Variants in GP6 observed in about 807,000 individuals in gnomAD.
The protein encoded by GP6 is glycoprotein VI platelet.
Under a neutral mutation model 37.3 loss-of-function variants are expected in GP6, and 45 were observed. The ratio of observed to expected loss-of-function variants is 1.21; its 90% CI spans 0.95 to 1.55. GP6 has a LOEUF of 1.55. Ranked by LOEUF, GP6 falls within the 40% of genes most tolerant of loss-of-function variation. GP6 has a pLI of 0.00. For synonymous variants in GP6, 340 were observed against 316.4 expected (o/e 1.07, Z -0.79); for missense variants, 813 against 760.2 (o/e 1.07, Z -0.82).
At chr19:55,024,693 T>TA (rs2074238614) in intron 5 of GP6, among the ~76,000 whole-genome samples, 1 of 152,202 alleles carries the variant, frequency 6.6e-6, no homozygotes. Flanking sequence ...AGCATCAGCA[T>TA]CACCTGGGAA....
At position 55,014,146 on chromosome 19, in the gene GP6, C is replaced by T. The variant is rs923587332; in HGVS notation, c.1799G>A (p.Arg600Gln). 12 of 697,114 alleles carry T rather than the reference C, an allele frequency of 1.7e-5. No individual in the cohort carries two copies. The highest frequency in any genetic ancestry group is 8.7e-5 in the African/African-American group (5 of 57,166). 43.2% of individuals were successfully genotyped at this position (697,114 alleles called of 1,614,324 possible). A position where few individuals can be genotyped will look rare whatever the true frequency, so the allele number is the denominator to read the frequency against. Reference sequence around the variant, plus strand: ...TGAGACAAAGTCAGGCTTCGTCACCCGAGCTAGAGTGCAGTGGTGTGATCT... The same window carrying T: ...TGAGACAAAGTCAGGCTTCGTCACCTGAGCTAGAGTGCAGTGGTGTGATCT... Residue 600 changes from arginine to glutamine, a missense_variant, in exon 8 of 8, where the codon CGG becomes CAG. Arg to Gln is a conservative substitution (Grantham distance 43, BLOSUM62 1). Transcript: ENST00000310373.
At chr19:55,016,301 T>G (rs1436611653) in intron 6 of GP6, among the ~76,000 whole-genome samples, 1 of 151,928 alleles carries the variant, frequency 6.6e-6, no homozygotes, top group African/African-American at 2.4e-5. Flanking sequence ...TAGGTTGATG[T>G]GAAAGTCAAG....
intron 5 of GP6, among the ~76,000 whole-genome samples, chr19:55,019,711 T>G (rs1476628988): frequency 3.5e-5 from 5 of 142,620 alleles, no homozygotes; most frequent in Admixed American, 7.3e-5. Flanking sequence ...AGAGTCTTAC[T>G]CTGTCGTCCA....
chr19:55,026,206 G>T (rs1426746612), intron 4 of GP6, among the ~76,000 whole-genome samples: 3 of 152,180 alleles, frequency 2.0e-5, no homozygotes, highest in Non-Finnish European at 4.4e-5. Flanking sequence ...TATTTTGTTT[G>T]ATTTAATATG....
chr19:55,032,448 C>G (rs1318829990), intron 2 of GP6, 52 bp from the exon 3 acceptor site: 1 of 1,612,750 alleles, frequency 6.2e-7, no homozygotes, highest in South Asian at 1.1e-5. Context: ...CGCCTGGACC[C>G]CGCTGCTCCC....
At chr19:55,031,248 T>C (rs2074550101) in intron 3 of GP6, among the ~76,000 whole-genome samples, 1 of 152,176 alleles carries the variant, frequency 6.6e-6, no homozygotes, top group Non-Finnish European at 1.5e-5. Context: ...TTTCTGTCAG[T>C]CTAAAAATTA....
At chr19:55,035,712 A>G (rs1304097029) in intron 1 of GP6, among the ~76,000 whole-genome samples, 1 of 151,736 alleles carries the variant, frequency 6.6e-6, no homozygotes, top group African/African-American at 2.4e-5. Context: ...GTGAGACTCC[A>G]TGTCAAAAAA....
At chr19:55,036,527 C>G (rs755334687) in intron 1 of GP6, among the ~76,000 whole-genome samples, 2 of 151,312 alleles carry the variant, frequency 1.3e-5, no homozygotes, top group African/African-American at 2.4e-5. Context: ...AGCGGACCCC[C>G]GTAACTAAAA....
intron 1 of GP6, among the ~76,000 whole-genome samples, chr19:55,034,150 A>ATGTATGCATG (rs2074729391): frequency 6.7e-6 from 1 of 149,158 alleles, no homozygotes; most frequent in Admixed American, 6.7e-5. Context: ...ATATGTATGC[A>ATGTATGCATG]TGTGTGTGTG....
At chr19:55,032,424 CTCCCCGCAG>C (rs1568638108) in intron 2 of GP6, 28 bp from the exon 3 acceptor site, 3 of 1,611,426 alleles carry the variant, frequency 1.9e-6, no homozygotes, top group Non-Finnish European at 1.7e-6. Flanking sequence ...CTGGGTCAGC[CTCCCCGCAG>C]ACCCCGCCTG....
At chr19:55,018,751 CCTA>C in intron 5 of GP6, 40 bp from the exon 6 acceptor site, 1 of 1,355,698 alleles carries the variant, frequency 7.4e-7, no homozygotes, top group Non-Finnish European at 1.1e-6. Context: ...CCCGTGGTTC[CCTA>C]TATCCTCTAG....
intron 6 of GP6, among the ~76,000 whole-genome samples, chr19:55,016,838 C>A (rs11667510): frequency 4.0e-5 from 6 of 151,298 alleles, no homozygotes; most frequent in East Asian, 2.0e-4. Context: ...GGCGGATCAC[C>A]TGAGGTCAAG....
Position 55,032,936 on chromosome 19 carries a change from T to A in GP6, c.35-398A>T, listed in dbSNP as rs866647663. 4.9e-4 allele frequency: 91 copies of A among 186,800 alleles called. 4 individuals carry two copies. Among genetic ancestry groups the A allele is most frequent in the African/African-American group, 2.3e-3 (68 of 29,008 alleles). The allele number at this position is 186,800 out of a possible 1,614,324, so 11.6% of individuals were successfully genotyped here. ...GTGGGCTCGTTCGTGTTAGACACGGTGGGCTCGTTCGTGTTAGACACGGTG... is the reference window on the plus strand; with the variant it reads ...GTGGGCTCGTTCGTGTTAGACACGGAGGGCTCGTTCGTGTTAGACACGGTG... On this transcript the variant is annotated intron_variant, in intron 1 of 7. Transcript: ENST00000310373.
chr19:55,018,730 G>C lies in GP6; in HGVS notation c.665-19C>G, dbSNP rs2073966916. 1 of 1,572,472 alleles carries C rather than the reference G, an allele frequency of 6.4e-7. No individual in the cohort carries two copies. The highest frequency in any genetic ancestry group is 1.7e-5 in the Admixed American group (1 of 59,946). ...GAGAATTCTAAGAAAGCAAAACAAT[G>C]TTAGGTCTTCCCCGTGGTTCCCTAT... is the stretch of plus-strand genomic sequence containing the variant. On this transcript the variant is annotated intron_variant, in intron 5 of 7. Coordinates refer to ENST00000310373, the MANE Select transcript of GP6 (RefSeq NM_001083899.2).
At position 55,015,010 on chromosome 19, in the gene GP6, G is replaced by T; in HGVS notation, c.935C>A (p.Ala312Asp). ...CGGGTCAGCGGGAGGGGCGGGAGGG[G>T]CGGAAGCGGCCTCTGCACAGCCCTG... Residue 312 changes from alanine to aspartate, a missense_variant, in exon 8 of 8, where the codon GCC becomes GAC. Ala to Asp is a moderately radical substitution (Grantham distance 126, BLOSUM62 -2). Coordinates refer to ENST00000310373, the MANE Select transcript of GP6 (RefSeq NM_001083899.2). 1 of 1,612,350 alleles carries T rather than the reference G, an allele frequency of 6.2e-7. No homozygotes were observed.
intron 7 of GP6, among the ~76,000 whole-genome samples, chr19:55,015,426 A>G (rs2073836669): frequency 6.6e-6 from 1 of 152,130 alleles, no homozygotes; most frequent in Non-Finnish European, 1.5e-5. Context: ...TCGTTATCTG[A>G]TGCATTGCAA....
intron 1 of GP6, among the ~76,000 whole-genome samples, chr19:55,035,492 G>A (rs556980730): frequency 5.3e-5 from 8 of 152,292 alleles, no homozygotes; most frequent in Admixed American, 1.3e-4. Context: ...CAAGGTGGGC[G>A]GATCACCTGA....
intron 1 of GP6, 78 bp downstream of exon 1, chr19:55,038,125 C>T (rs1213831246): frequency 5.0e-6 from 6 of 1,196,246 alleles, no homozygotes; most frequent in Non-Finnish European, 7.3e-6. Context: ...ATCACCAATG[C>T]AAATTTCTTA....
intron 4 of GP6, among the ~76,000 whole-genome samples, chr19:55,026,182 A>C (rs1488565164): frequency 1.3e-5 from 2 of 152,178 alleles, no homozygotes; most frequent in Admixed American, 1.3e-4. Context: ...TTTTCTACCA[A>C]AAACTAAATG....
Sources: gnomAD v4.1 joint callset for allele counts (sites outside exome capture counted in the v4.1 genomes callset) on GRCh38, gnomAD v4.1.1 for gene constraint, MANE v1.5 for transcripts, NCBI Gene and HGNC (gene_info 2026-07-23, HGNC 2026-07-21) for gene names.